E2F5: variants seen among roughly 807,000 people sequenced by gnomAD.
The protein encoded by E2F5 is transcription factor E2F5.
A neutral mutation model predicts 39.1 loss-of-function variants in E2F5; 23 were observed. That is an observed-to-expected ratio of 0.59 (90% CI 0.42 to 0.83). The LOEUF (loss-of-function observed/expected upper bound fraction) is 0.83. E2F5 is among the 40% of genes least tolerant of loss of function. The pLI, the probability that E2F5 is intolerant of heterozygous loss-of-function variation, is 0.00. For missense variants in E2F5, 365 were observed against 406.7 expected, an observed-to-expected ratio of 0.90 and a Z score of 0.88; for synonymous variants, 145 against 157.8, an observed-to-expected ratio of 0.92 and a Z score of 0.61.
intron 1 of E2F5, among the ~76,000 whole-genome samples, chr8:85,194,995 G>T (rs1157836566): frequency 6.6e-6 from 1 of 152,070 alleles, no homozygotes; most frequent in Non-Finnish European, 1.5e-5. Context: ...GGAATTTGAG[G>T]CTAAGTAGCT....
chr8:85,180,036 T>G (rs1812167099), intron 1 of E2F5, among the ~76,000 whole-genome samples: 1 of 151,524 alleles, frequency 6.6e-6, no homozygotes, highest in African/African-American at 2.4e-5. Context: ...AGCCTTTTTT[T>G]TTTGAGACTG....
intron 3 of E2F5, among the ~76,000 whole-genome samples, chr8:85,203,793 A>G (rs910292288): frequency 2.0e-5 from 3 of 148,842 alleles, no homozygotes; most frequent in African/African-American, 2.4e-5. Flanking sequence ...ATATTGGGGG[A>G]AAAACATTAT....
At chr8:85,197,396 G>A (rs1812604407) in intron 1 of E2F5, among the ~76,000 whole-genome samples, 2 of 152,166 alleles carry the variant, frequency 1.3e-5, no homozygotes, top group South Asian at 4.1e-4. Context: ...CTGGGTCTTA[G>A]TGGACTCATT....
chr8:85,209,136 T>C lies in E2F5; in HGVS notation c.616-6T>C. On this transcript the variant is annotated splice_region_variant and splice_polypyrimidine_tract_variant and intron_variant, in intron 5 of 7. Transcript: ENST00000416274. ...ATACATTTGTTTATACCCAATAACT[T>C]CAAAGGGTCAGAATGGACAAAAGAA... The C allele has an allele frequency of 6.2e-7, 1 of 1,612,922 alleles. No homozygotes were observed. Among genetic ancestry groups the C allele is most frequent in the Non-Finnish European group, 8.5e-7 (1 of 1,179,068 alleles).
intron 3 of E2F5, among the ~76,000 whole-genome samples, chr8:85,205,590 A>G (rs964216890): frequency 5.9e-5 from 9 of 152,070 alleles, no homozygotes; most frequent in Non-Finnish European, 1.2e-4. Flanking sequence ...GCCACCCTGC[A>G]TTTCTTTTCC....
chr8:85,205,192 A>G (rs1294444031), intron 3 of E2F5, among the ~76,000 whole-genome samples: 2 of 152,066 alleles, frequency 1.3e-5, no homozygotes, highest in African/African-American at 2.4e-5. Context: ...AAAATAAAAC[A>G]AAACAAAATT....
At chr8:85,212,132 A>G in intron 6 of E2F5, 25 bp from the exon 7 acceptor site, 1 of 1,586,288 alleles carries the variant, frequency 6.3e-7, no homozygotes, top group Non-Finnish European at 8.6e-7. Flanking sequence ...ACAGAAATAT[A>G]ACAAAACTTT....
chr8:85,203,739 A>C (rs1812743224), intron 3 of E2F5, among the ~76,000 whole-genome samples: 4 of 151,066 alleles, frequency 2.6e-5, no homozygotes, highest in Admixed American at 2.6e-4. Flanking sequence ...AATAGTTCCT[A>C]CTGGAGAACA....
intron 1 of E2F5, among the ~76,000 whole-genome samples, chr8:85,180,833 C>G (rs1476202347): frequency 2.6e-5 from 4 of 151,674 alleles, no homozygotes; most frequent in Admixed American, 6.6e-5. Context: ...CCCGCCTCGG[C>G]CTCCCAAAGT....
intron 1 of E2F5, among the ~76,000 whole-genome samples, chr8:85,190,347 T>C (rs1050781056): frequency 6.6e-6 from 1 of 151,932 alleles, no homozygotes; most frequent in African/African-American, 2.4e-5. Flanking sequence ...TTTTTTTCCT[T>C]CTTTTAGATG....
At chr8:85,193,644 C>T (rs1479183909) in intron 1 of E2F5, among the ~76,000 whole-genome samples, 1 of 152,236 alleles carries the variant, frequency 6.6e-6, no homozygotes, top group African/African-American at 2.4e-5. Flanking sequence ...CCCTCAACTT[C>T]ATCCTCAATC....
At chr8:85,200,769 C>T (rs1227614157) in intron 1 of E2F5, among the ~76,000 whole-genome samples, 3 of 152,054 alleles carry the variant, frequency 2.0e-5, no homozygotes, top group Non-Finnish European at 2.9e-5. Context: ...CTGTGAAGGT[C>T]GATAAAACAA....
chr8:85,198,925 T>G (rs775429182), intron 1 of E2F5, among the ~76,000 whole-genome samples: 31 of 152,220 alleles, frequency 2.0e-4, no homozygotes, highest in Non-Finnish European at 4.1e-4. Context: ...TTTCCAGTGC[T>G]CCAAACTGGT....
intron 6 of E2F5, 57 bp downstream of exon 6, chr8:85,209,466 G>T: frequency 6.6e-7 from 1 of 1,514,146 alleles, no homozygotes; most frequent in Non-Finnish European, 8.8e-7. Context: ...AAAACAGGTT[G>T]GCTCTCTTAT....
At chr8:85,177,747 G>A (rs1812117167) in intron 1 of E2F5, 93 bp downstream of exon 1, 1 of 1,146,426 alleles carries the variant, frequency 8.7e-7, no homozygotes, top group Admixed American at 4.8e-5. Context: ...GCGGCGTGGT[G>A]TAGACGCGCC....
chr8:85,199,410 T>A (rs939384211), intron 1 of E2F5, among the ~76,000 whole-genome samples: 2 of 152,132 alleles, frequency 1.3e-5, no homozygotes, highest in East Asian at 3.9e-4. Flanking sequence ...CCAAACATAA[T>A]TATTTGTATA....
intron 5 of E2F5, 137 bp downstream of exon 5, chr8:85,207,626 A>G (rs933649237): frequency 3.9e-5 from 24 of 608,042 alleles, no homozygotes; most frequent in Non-Finnish European, 6.6e-5. Flanking sequence ...AAGTATTGAT[A>G]GCTGAATTTG....
At chr8:85,191,992 A>G (rs1362245807) in intron 1 of E2F5, among the ~76,000 whole-genome samples, 3 of 152,122 alleles carry the variant, frequency 2.0e-5, no homozygotes, top group Admixed American at 6.6e-5. Context: ...TGAAGAGAAT[A>G]TTGGATTGCA....
intron 1 of E2F5, among the ~76,000 whole-genome samples, chr8:85,180,378 T>C (rs1235792151): frequency 6.6e-6 from 1 of 151,700 alleles, no homozygotes; most frequent in Non-Finnish European, 1.5e-5. Context: ...CAATTATAAA[T>C]TTCCTCTAAT....
Sources: gnomAD v4.1 joint callset for allele counts (sites outside exome capture counted in the v4.1 genomes callset) on GRCh38, gnomAD v4.1.1 for gene constraint, MANE v1.5 for transcripts, NCBI Gene and HGNC (gene_info 2026-07-23, HGNC 2026-07-21) for gene names.